Variants in PDE12 observed in about 807,000 individuals in gnomAD.
PDE12 encodes 2',5'-phosphodiesterase 12.
Under a neutral mutation model 45.4 loss-of-function variants are expected in PDE12, and 26 were observed. That is an observed-to-expected ratio of 0.57 (90% CI 0.42 to 0.79). PDE12 has a LOEUF of 0.79. PDE12 is among the 30% of genes least tolerant of loss of function. The pLI, the probability that PDE12 is intolerant of heterozygous loss-of-function variation, is 0.00. For synonymous variants in PDE12, 283 were observed against 323.9 expected (o/e 0.87, Z 1.36); for missense variants, 668 against 790.0 (o/e 0.85, Z 1.85).
At chr3:57,558,546 G>C (rs950069636) in intron 1 of PDE12, among the ~76,000 whole-genome samples, 4 of 147,972 alleles carry the variant, frequency 2.7e-5, no homozygotes, top group Non-Finnish European at 3.0e-5. Flanking sequence ...GCTGGAGTAC[G>C]GTGGCGCGAT....
chr3:57,557,478 G>A lies in PDE12; in HGVS notation c.1099G>A (p.Ala367Thr), dbSNP rs772506574. The A allele has an allele frequency of 1.9e-6, 3 of 1,614,012 alleles. No homozygotes were observed. The highest frequency in any genetic ancestry group is 4.5e-5 in the East Asian group (2 of 44,846). ...TGACAGCTTGGTACCCGCCCTAGAGGCCTTCGGGCTCGAGGGGGTGTTTCG... is the reference window on the plus strand; with the variant it reads ...TGACAGCTTGGTACCCGCCCTAGAGACCTTCGGGCTCGAGGGGGTGTTTCG... ...FSDSLVPALE[A>T]FGLEGVFRIK... The change falls in exon 1 of 3, where the codon GCC becomes ACC. Residue 367 changes from alanine (A) to threonine (T), a missense_variant. Transcript: ENST00000311180.
In PDE12 at chr3:57,556,539, G is replaced by C. The variant is rs758531928; in HGVS notation, c.160G>C (p.Ala54Pro). 2.5e-6 allele frequency: 4 copies of C among 1,613,428 alleles called. No homozygotes were observed. In the African/African-American group the frequency reaches 5.3e-5, roughly 22 times the overall value. ...PSEPKLSLSF[A>P]LADGSHKNMQ... ...GGAACCCAAGCTGAGCCTGTCATTC[G>C]CTTTGGCTGATGGTAGCCACAAGAA... is the stretch of plus-strand genomic sequence containing the variant. The change falls in exon 1 of 3, where the codon GCT becomes CCT. Residue 54 changes from alanine to proline, a missense_variant. Physicochemically the swap from Ala to Pro is conservative, Grantham distance 27. Around this residue, in one of 3 missense-constraint regions of PDE12, gnomAD observed 580 missense variants for 662.9 expected, o/e 0.87. Coordinates refer to ENST00000311180, the MANE Select transcript of PDE12 (RefSeq NM_177966.7). The surrounding 1 kb of genome is among the most constrained non-coding windows in gnomAD (Gnocchi z 5.0).
chr3:57,602,368 T>C, the PDE12 span, among the ~76,000 whole-genome samples: 1 of 152,178 alleles, frequency 6.6e-6, no homozygotes, highest in Non-Finnish European at 1.5e-5. Flanking sequence ...TCACATTCTC[T>C]AAACACTTAT....
rs552747169 is a variant in PDE12 at position 57,561,501 on chromosome 3, AT to A, written c.*1499del. The A allele has an allele frequency of 6.1e-6, 6 of 984,800 alleles. No individual in the cohort carries two copies. In the Admixed American group the frequency reaches 3.7e-4, roughly 61 times the overall value. 61.0% of individuals were successfully genotyped at this position (984,800 alleles called of 1,614,324 possible). ...TTAGAAACTACAAATGGTTATACTG[AT>A]TAGTGTCTAGCCTAGAGTGGTAACC... is the stretch of plus-strand genomic sequence containing the variant. On this transcript the variant is annotated 3_prime_UTR_variant, in exon 3 of 3. Coordinates refer to ENST00000311180, the MANE Select transcript of PDE12 (RefSeq NM_177966.7).
chr3:57,600,264 A>G, the PDE12 span: 2 of 152,282 alleles, frequency 1.3e-5, no homozygotes, highest in African/African-American at 4.8e-5. Flanking sequence ...AGCTCAACCA[A>G]TCTGTCTGCC....
chr3:57,641,369 G>T, the PDE12 span, among the ~76,000 whole-genome samples: 1 of 142,340 alleles, frequency 7.0e-6, no homozygotes, highest in African/African-American at 2.6e-5. Context: ...TATATATAAA[G>T]CTAACATTTT....
At chr3:57,646,492 A>T in the PDE12 span, 2 of 1,543,992 alleles carry the variant, frequency 1.3e-6, no homozygotes, top group African/African-American at 1.4e-5. Flanking sequence ...TCCTGTTTTT[A>T]AAATTCCTAC....
chr3:57,641,441 CTATAAG>C, the PDE12 span, among the ~76,000 whole-genome samples: 5 of 147,890 alleles, frequency 3.4e-5, no homozygotes, highest in South Asian at 2.1e-4. Context: ...TAATATAACA[CTATAAG>C]TATATTTTTT....
At chr3:57,627,597 TG>T in the PDE12 span, 1 of 152,344 alleles carries the variant, frequency 6.6e-6, no homozygotes, top group African/African-American at 2.4e-5. Context: ...AAACCCATCA[TG>T]TCTATTAATA....
chr3:57,581,557 T>G, the PDE12 span, among the ~76,000 whole-genome samples: 1 of 152,180 alleles, frequency 6.6e-6, no homozygotes, highest in Non-Finnish European at 1.5e-5. Context: ...TCCCAGCACT[T>G]TGGGAAGCCC....
chr3:57,622,935 G>T, the PDE12 span, among the ~76,000 whole-genome samples: 2 of 152,134 alleles, frequency 1.3e-5, no homozygotes, highest in African/African-American at 2.4e-5. Context: ...CTGGTTGTTT[G>T]GGGGAGACAG....
chr3:57,574,376 G>A, the PDE12 span, among the ~76,000 whole-genome samples: 1 of 150,908 alleles, frequency 6.6e-6, no homozygotes, highest in Non-Finnish European at 1.5e-5. Context: ...CTGAATCACT[G>A]ATCAATGATA....
At chr3:57,587,306 C>T in the PDE12 span, among the ~76,000 whole-genome samples, 390 of 121,604 alleles carry the variant, frequency 3.2e-3, 2 homozygotes, top group Non-Finnish European at 2.6e-3. Context: ...ACAACAAGAG[C>T]GGAACTCAGT....
chr3:57,655,017 C>A, the PDE12 span: 1 of 180,572 alleles, frequency 5.5e-6, no homozygotes, highest in Non-Finnish European at 1.1e-5. Flanking sequence ...TTGGTTTTCT[C>A]ATCTCTTGGA....
At chr3:57,642,923 T>C in the PDE12 span, among the ~76,000 whole-genome samples, 1 of 151,540 alleles carries the variant, frequency 6.6e-6, no homozygotes, top group Non-Finnish European at 1.5e-5. Flanking sequence ...GGAGAATCAC[T>C]TGAACCCAGG....
At chr3:57,643,311 G>A in the PDE12 span, among the ~76,000 whole-genome samples, 2 of 152,072 alleles carry the variant, frequency 1.3e-5, no homozygotes, top group East Asian at 1.9e-4. Context: ...GATTAGGGGA[G>A]AAAAGAGGGA....
At chr3:57,617,816 G>T in the PDE12 span, among the ~76,000 whole-genome samples, 5 of 151,716 alleles carry the variant, frequency 3.3e-5, no homozygotes, top group Non-Finnish European at 4.4e-5. Flanking sequence ...GCAGTGAGCT[G>T]AGATATTGTG....
chr3:57,653,207 A>C, the PDE12 span, among the ~76,000 whole-genome samples: 2 of 152,136 alleles, frequency 1.3e-5, no homozygotes, highest in Non-Finnish European at 2.9e-5. Flanking sequence ...CCTACATGAA[A>C]ACATCTCACC....
chr3:57,622,583 A>G, the PDE12 span, among the ~76,000 whole-genome samples: 1 of 152,180 alleles, frequency 6.6e-6, no homozygotes, highest in Admixed American at 6.6e-5. Flanking sequence ...ACTCCTAGGT[A>G]TTTACCCAAG....
Sources: gnomAD v4.1 joint callset for allele counts (sites outside exome capture counted in the v4.1 genomes callset) on GRCh38, gnomAD v4.1.1 for gene constraint, gnomAD v4.1.1 regional missense constraint, Gnocchi (gnomAD v3.1) non-coding constraint, MANE v1.5 for transcripts, NCBI Gene and HGNC (gene_info 2026-07-23, HGNC 2026-07-21) for gene names.